Variants in PPP1R16B observed in about 807,000 individuals in gnomAD.
PPP1R16B encodes the protein protein phosphatase 1 regulatory subunit 16B, also known as protein phosphatase 1 regulatory inhibitor subunit 16B.
A neutral mutation model predicts 61.7 loss-of-function variants in PPP1R16B; 14 were observed. The ratio of observed to expected loss-of-function variants is 0.23; its 90% CI spans 0.15 to 0.35. The LOEUF (loss-of-function observed/expected upper bound fraction) is 0.35, where lower values mean the gene tolerates loss of function less well. PPP1R16B is among the 10% of genes least tolerant of loss of function. The probability of loss-of-function intolerance (pLI) is 1.00; values close to 1 mark genes in which losing one functional copy is unlikely to be tolerated. For synonymous variants in PPP1R16B, 266 were observed against 305.3 expected (o/e 0.87, Z 1.34); for missense variants, 547 against 752.5 (o/e 0.73, Z 3.19).
intron 2 of PPP1R16B, among the ~76,000 whole-genome samples, chr20:38,873,929 A>G (rs558679475): frequency 6.6e-6 from 1 of 152,060 alleles, no homozygotes; most frequent in East Asian, 1.9e-4. Context: ...GGGTTTCACC[A>G]TGTTGGCCAG....
At chr20:38,902,459 G>C (rs369204309) in intron 5 of PPP1R16B, among the ~76,000 whole-genome samples, 3 of 152,226 alleles carry the variant, frequency 2.0e-5, no homozygotes, top group Non-Finnish European at 4.4e-5. Flanking sequence ...CCATTGCCTA[G>C]TGGGTGCCAG....
intron 4 of PPP1R16B, among the ~76,000 whole-genome samples, chr20:38,896,194 C>A (rs2085347544): frequency 7.3e-6 from 1 of 137,688 alleles, no homozygotes; most frequent in African/African-American, 2.7e-5. Flanking sequence ...TCCCTTCCTT[C>A]TTTCTTCCCT....
At chr20:38,820,069 C>T (rs1009293077) in intron 1 of PPP1R16B, among the ~76,000 whole-genome samples, 1 of 152,178 alleles carries the variant, frequency 6.6e-6, no homozygotes, top group Non-Finnish European at 1.5e-5. Flanking sequence ...TTGGTTAACA[C>T]TGTTTGCGAG....
chr20:38,808,769 C>T (rs757429217), intron 1 of PPP1R16B, among the ~76,000 whole-genome samples: 1 of 152,024 alleles, frequency 6.6e-6, no homozygotes, highest in Non-Finnish European at 1.5e-5. Context: ...CATAGTGGCT[C>T]ACACCTGTAA....
intron 2 of PPP1R16B, among the ~76,000 whole-genome samples, chr20:38,866,964 CTG>C (rs1216086722): frequency 1.3e-5 from 2 of 152,210 alleles, no homozygotes; most frequent in Non-Finnish European, 2.9e-5. Flanking sequence ...AATCTACTTT[CTG>C]TCTCTATGGA....
At chr20:38,811,747 G>A (rs1035431912) in intron 1 of PPP1R16B, among the ~76,000 whole-genome samples, 40 of 152,298 alleles carry the variant, frequency 2.6e-4, no homozygotes, top group African/African-American at 9.6e-4. Flanking sequence ...GGATAGTGGG[G>A]GAGAGGAGCT....
chr20:38,831,062 C>G (rs1487962008), intron 1 of PPP1R16B, among the ~76,000 whole-genome samples: 1 of 152,190 alleles, frequency 6.6e-6, no homozygotes, highest in Non-Finnish European at 1.5e-5. Flanking sequence ...ATTTTATCCT[C>G]CAGTGAGTGA....
rs971772481 is a variant in PPP1R16B at position 38,813,785 on chromosome 20, T to C, written c.-102+7993T>C. 2.4e-3 allele frequency among the ~76,000 whole-genome samples: 350 copies of C among 147,418 alleles called. 1 individual carries two copies. Among genetic ancestry groups the C allele is most frequent in the African/African-American group, 8.2e-3 (331 of 40,520 alleles). On this transcript the variant is annotated intron_variant, in intron 1 of 10. Transcript: ENST00000299824. The stretch of plus-strand genomic sequence containing the variant: ...TCATCATCATTATTATTATTATTAT[T>C]ATTATTATTATTATTATTATTATTA...
At chr20:38,837,027 C>T (rs2084877084) in intron 2 of PPP1R16B, among the ~76,000 whole-genome samples, 1 of 152,226 alleles carries the variant, frequency 6.6e-6, no homozygotes, top group African/African-American at 2.4e-5. Context: ...TCTTGCAATT[C>T]ATAAAGCTCT....
intron 1 of PPP1R16B, among the ~76,000 whole-genome samples, chr20:38,811,981 G>C (rs1428211510): frequency 6.6e-6 from 1 of 152,204 alleles, no homozygotes; most frequent in East Asian, 1.9e-4. Context: ...CCAGCACACA[G>C]GAGACAATCA....
At chr20:38,911,155 T>G (rs2085485715) in intron 10 of PPP1R16B, among the ~76,000 whole-genome samples, 1 of 146,364 alleles carries the variant, frequency 6.8e-6, no homozygotes, top group Non-Finnish European at 1.5e-5. Context: ...CTCATTCTTG[T>G]TTTTTTTTTC....
intron 2 of PPP1R16B, among the ~76,000 whole-genome samples, chr20:38,867,319 T>C (rs1216180391): frequency 6.6e-6 from 1 of 152,152 alleles, no homozygotes; most frequent in Non-Finnish European, 1.5e-5. Flanking sequence ...GGGATGGGGA[T>C]AGTTAAAGAT....
At position 38,842,655 on chromosome 20, in the gene PPP1R16B, G is replaced by T. The variant is rs77995276; in HGVS notation, c.250+6480G>T. 1.6e-3 allele frequency among the ~76,000 whole-genome samples: 242 copies of T among 152,160 alleles called. 3 individuals are homozygous for T. Among genetic ancestry groups the T allele is most frequent in the African/African-American group, 5.7e-3 (237 of 41,508 alleles). ...GAGCTGTTCTGACTGGGGTCAGGTG[G>T]GTGGGGTGCTCAGTCATCCCTGCCA... is the stretch of plus-strand genomic sequence containing the variant. On this transcript the variant is annotated intron_variant, in intron 2 of 10. Coordinates refer to ENST00000299824, the MANE Select transcript of PPP1R16B (RefSeq NM_015568.4).
chr20:38,913,412 G>A (rs932073289), intron 10 of PPP1R16B, among the ~76,000 whole-genome samples: 10 of 151,902 alleles, frequency 6.6e-5, no homozygotes, highest in African/African-American at 2.4e-4. Flanking sequence ...ACAGGCGCAC[G>A]CCACCATGCC....
rs552735801 is a variant in PPP1R16B at position 38,820,802 on chromosome 20, G to T, written c.-102+15010G>T. 1.2e-4 allele frequency among the ~76,000 whole-genome samples: 18 copies of T among 152,086 alleles called. No homozygotes were observed. In the East Asian group the frequency reaches 1.5e-3, roughly 13 times the overall value. On this transcript the variant is annotated intron_variant, in intron 1 of 10. Coordinates refer to ENST00000299824, the MANE Select transcript of PPP1R16B (RefSeq NM_015568.4). ...AATCCCAGCATTTTGGGAGGCCGAG[G>T]TGGGCGGATCATGAGGTCAGGAGAT...
chr20:38,830,571 C>G (rs1464533307), intron 1 of PPP1R16B, among the ~76,000 whole-genome samples: 1 of 152,168 alleles, frequency 6.6e-6, no homozygotes, highest in Non-Finnish European at 1.5e-5. Flanking sequence ...TACATTCTAT[C>G]CTAGATACAG....
Position 38,839,120 on chromosome 20 carries a change from G to A in PPP1R16B, c.250+2945G>A, listed in dbSNP as rs188732041. 3.2e-3 allele frequency among the ~76,000 whole-genome samples: 485 copies of A among 152,276 alleles called. 2 individuals are homozygous for A. Among genetic ancestry groups the A allele is most frequent in the South Asian group, 4.6e-3 (22 of 4,822 alleles). On this transcript the variant is annotated intron_variant, in intron 2 of 10. Coordinates refer to ENST00000299824, the MANE Select transcript of PPP1R16B (RefSeq NM_015568.4). The stretch of plus-strand genomic sequence containing the variant: ...TTTTTGTATTTTTAGTAGAGTTGGG[G>A]TTTCACCATGTTGGCCAGGCTGGTC...
chr20:38,878,638 G>A (rs1306895315), intron 2 of PPP1R16B, among the ~76,000 whole-genome samples: 3 of 152,170 alleles, frequency 2.0e-5, no homozygotes, highest in African/African-American at 7.2e-5. Context: ...TAGCACCTAA[G>A]TCATGTGGTT....
In PPP1R16B at chr20:38,806,542, C is replaced by T. The variant is rs954834625; in HGVS notation, c.-102+750C>T. On this transcript the variant is annotated intron_variant, in intron 1 of 10. Transcript: ENST00000299824. The surrounding 1 kb of genome is among the most constrained non-coding windows in gnomAD (Gnocchi z 4.5). The stretch of plus-strand genomic sequence containing the variant: ...TCCGGCCCAGAGGAGCGCCCCCGGG[C>T]GCCGAGGATGGGCGGAGACGTGCAG... Among the ~76,000 whole-genome samples the T allele has an allele frequency of 6.6e-6, 1 of 152,126 alleles. No individual in the cohort carries two copies. Among genetic ancestry groups the T allele is most frequent in the Non-Finnish European group, 1.5e-5 (1 of 67,996 alleles).
Sources: gnomAD v4.1 joint callset for allele counts (sites outside exome capture counted in the v4.1 genomes callset) on GRCh38, gnomAD v4.1.1 for gene constraint, Gnocchi (gnomAD v3.1) non-coding constraint, MANE v1.5 for transcripts, NCBI Gene and HGNC (gene_info 2026-07-23, HGNC 2026-07-21) for gene names.